Variants in TPD52L1 observed in about 807,000 individuals in gnomAD.
TPD52L1 encodes the protein TPD52 like 1.
Under a neutral mutation model 28.7 loss-of-function variants are expected in TPD52L1, and 18 were observed. The ratio of observed to expected loss-of-function variants is 0.63; its 90% confidence interval spans 0.43 to 0.93. TPD52L1 has a LOEUF of 0.93. Among genes scored for constraint, TPD52L1 ranks in the 40% least tolerant of loss-of-function variants. The pLI is 0.00. For missense variants in TPD52L1, 203 were observed against 254.8 expected, an observed-to-expected ratio of 0.80 and a Z score of 1.39; for synonymous variants, 75 against 88.8, an observed-to-expected ratio of 0.84 and a Z score of 0.88.
intron 1 of TPD52L1, among the ~76,000 whole-genome samples, chr6:125,175,859 T>C (rs561775918): frequency 4.8e-5 from 7 of 144,470 alleles, no homozygotes; most frequent in African/African-American, 1.8e-4. Context: ...AAATAGGTAT[T>C]CATTTTCTCC....
Position 125,235,874 on chromosome 6 carries a change from C to CTA in TPD52L1, c.284+6619_284+6620dup, listed in dbSNP as rs200090436. Among the ~76,000 whole-genome samples, 580 of 151,808 alleles carry CTA rather than the reference C, an allele frequency of 3.8e-3. 4 individuals carry two copies. The highest frequency in any genetic ancestry group is 0.014 in the African/African-American group (561 of 41,376). On this transcript the variant is annotated intron_variant, in intron 3 of 6. Coordinates refer to ENST00000534000, the MANE Select transcript of TPD52L1 (RefSeq NM_003287.4). ...TGGATAACATAGTGGGATCCCAAGT[C>CTA]TATATATATATAAAAGGAATATGAT...
At chr6:125,159,891 A>T (rs1414606667) in intron 1 of TPD52L1, among the ~76,000 whole-genome samples, 3 of 152,158 alleles carry the variant, frequency 2.0e-5, no homozygotes, top group Non-Finnish European at 4.4e-5. Context: ...TAGCTCCCAT[A>T]ATTCCCACAT....
chr6:125,199,912 T>C (rs536494584), intron 1 of TPD52L1, among the ~76,000 whole-genome samples: 7 of 152,372 alleles, frequency 4.6e-5, no homozygotes, highest in African/African-American at 1.7e-4. Flanking sequence ...TGTTGTTCCA[T>C]TACATTAGGG....
At chr6:125,235,769 A>T (rs574665389) in intron 3 of TPD52L1, among the ~76,000 whole-genome samples, 20 of 152,358 alleles carry the variant, frequency 1.3e-4, no homozygotes, top group African/African-American at 4.6e-4. Flanking sequence ...AGCTGGGCTC[A>T]GTGGCGCTTG....
intron 6 of TPD52L1, 147 bp downstream of exon 6, chr6:125,257,305 A>G (rs1018391247): frequency 3.1e-5 from 18 of 589,116 alleles, no homozygotes; most frequent in Middle Eastern, 3.0e-4. Flanking sequence ...ATCTATGAAT[A>G]AAACCACTAT....
At chr6:125,204,672 G>A (rs1056639364) in intron 1 of TPD52L1, among the ~76,000 whole-genome samples, 2 of 152,008 alleles carry the variant, frequency 1.3e-5, no homozygotes, top group Non-Finnish European at 2.9e-5. Context: ...ATAGAGACGG[G>A]GTTTCACCGT....
chr6:125,207,785 T>C (rs1197830383), intron 1 of TPD52L1, among the ~76,000 whole-genome samples: 1 of 152,200 alleles, frequency 6.6e-6, no homozygotes, highest in African/African-American at 2.4e-5. Context: ...CATGAGTCTC[T>C]GATCTAGGAG....
chr6:125,216,642 A>G (rs3823224), intron 1 of TPD52L1, among the ~76,000 whole-genome samples: 6,641 of 149,716 alleles, frequency 0.044, 169 homozygotes, highest in East Asian at 0.08. Flanking sequence ...ATTTTTGGGT[A>G]ATATGATTAA....
At chr6:125,256,086 C>T (rs1350901294) in intron 5 of TPD52L1, among the ~76,000 whole-genome samples, 3 of 152,136 alleles carry the variant, frequency 2.0e-5, no homozygotes, top group Admixed American at 6.5e-5. Flanking sequence ...CGGTGGCTCA[C>T]GCCTGTAATC....
intron 1 of TPD52L1, among the ~76,000 whole-genome samples, chr6:125,199,175 A>G (rs895479852): frequency 1.3e-5 from 2 of 152,234 alleles, no homozygotes; most frequent in Non-Finnish European, 2.9e-5. Context: ...TTTGACTTAA[A>G]TAATTCTAAT....
intron 1 of TPD52L1, among the ~76,000 whole-genome samples, chr6:125,159,325 T>G (rs1046035632): frequency 3.9e-5 from 6 of 152,236 alleles, no homozygotes; most frequent in Admixed American, 6.5e-5. Context: ...TGGGAGTAGA[T>G]TCCATCTCAA....
intron 1 of TPD52L1, chr6:125,214,420 C>T (rs1794719131): frequency 1.0e-6 from 1 of 981,674 alleles, no homozygotes; most frequent in Admixed American, 6.2e-5. Flanking sequence ...CTTTCCTCTT[C>T]CCACAATCTA....
intron 2 of TPD52L1, 53 bp downstream of exon 2, chr6:125,220,246 A>T: frequency 4.3e-6 from 5 of 1,174,882 alleles, no homozygotes; most frequent in Non-Finnish European, 6.3e-6. Flanking sequence ...CTTAAGAGTT[A>T]TTATTAGTTT....
intron 1 of TPD52L1, among the ~76,000 whole-genome samples, chr6:125,172,167 T>C (rs1229099428): frequency 1.7e-5 from 2 of 116,250 alleles, no homozygotes; most frequent in African/African-American, 3.5e-5. Flanking sequence ...TTTTCTTTCT[T>C]TCTTTCTTTC....
rs1266999757 is a variant in TPD52L1, at chr6:125,172,532, A to ACATACATACATACATACATATACACAC, written c.19+18562_19+18563insCATACATACATACATACATATACACAC. ...TCATGCTATATATATATATATATAT[A>ACATACATACATACATACATATACACAC]TATATATATATATATATATAATATA... is the stretch of plus-strand genomic sequence containing the variant. On this transcript the variant is annotated intron_variant, in intron 1 of 6. Transcript: ENST00000534000. 2.1e-5 allele frequency among the ~76,000 whole-genome samples: 2 copies of ACATACATACATACATACATATACACAC among 95,034 alleles called. 1 individual carries two copies. Among genetic ancestry groups the ACATACATACATACATACATATACACAC allele is most frequent in the African/African-American group, 9.4e-5 (2 of 21,264 alleles). 62.3% of individuals were successfully genotyped at this position (95,034 alleles called of 152,430 possible). A position where few individuals can be genotyped will look rare whatever the true frequency, so the allele number is the denominator to read the frequency against.
intron 1 of TPD52L1, among the ~76,000 whole-genome samples, chr6:125,192,362 C>T (rs917757182): frequency 2.0e-5 from 3 of 151,660 alleles, no homozygotes; most frequent in Non-Finnish European, 4.4e-5. Flanking sequence ...GCAGGATCCC[C>T]GAATGTACTT....
intron 1 of TPD52L1, among the ~76,000 whole-genome samples, chr6:125,169,108 A>G (rs1791111098): frequency 6.6e-6 from 1 of 151,944 alleles, no homozygotes; most frequent in Non-Finnish European, 1.5e-5. Flanking sequence ...TCACTGACCT[A>G]TTAGCATATC....
chr6:125,243,016 G>C (rs1165542540), intron 3 of TPD52L1, among the ~76,000 whole-genome samples: 1 of 152,052 alleles, frequency 6.6e-6, no homozygotes, highest in Non-Finnish European at 1.5e-5. Flanking sequence ...CTCAGCATTT[G>C]TTTGTCTGCA....
chr6:125,216,525 G>GTATATATATA (rs1554210698), intron 1 of TPD52L1, among the ~76,000 whole-genome samples: 2 of 104,872 alleles, frequency 1.9e-5, no homozygotes, highest in East Asian at 2.8e-4. Flanking sequence ...TTCAGTATGT[G>GTATATATATA]TGTGTATATA....
Sources: gnomAD v4.1 joint callset for allele counts (sites outside exome capture counted in the v4.1 genomes callset) on GRCh38, gnomAD v4.1.1 for gene constraint, MANE v1.5 for transcripts, NCBI Gene and HGNC (gene_info 2026-07-23, HGNC 2026-07-21) for gene names.